OPRD1: variants seen among roughly 807,000 people sequenced by gnomAD.
The protein encoded by OPRD1 is opioid receptor delta 1, also known as delta-type opioid receptor.
Under a neutral mutation model 17.5 loss-of-function variants are expected in OPRD1, and 19 were observed. The ratio of observed to expected loss-of-function variants is 1.09; its 90% confidence interval spans 0.76 to 1.60. The LOEUF is 1.60. Among genes scored for constraint, OPRD1 ranks in the 40% most tolerant of loss-of-function variants. The pLI, the probability that OPRD1 is intolerant of heterozygous loss-of-function variation, is 0.00. For missense variants in OPRD1, 483 were observed against 547.2 expected, an observed-to-expected ratio of 0.88 and a Z score of 1.17; for synonymous variants, 256 against 240.9, an observed-to-expected ratio of 1.06 and a Z score of -0.58.
intron 1 of OPRD1, among the ~76,000 whole-genome samples, chr1:28,823,383 G>GTTTATTTTTTTA (rs143622810): frequency 7.2e-6 from 1 of 139,628 alleles, no homozygotes; most frequent in Non-Finnish European, 1.5e-5. Context: ...AATTTTATTT[G>GTTTATTTTTTTA]TTTGTTTATT....
In OPRD1 at chr1:28,812,530, A is replaced by G. The variant is rs773782491; in HGVS notation, c.147A>G (p.Ala49=). The change falls in exon 1 of 3, where the codon GCA becomes GCG. Residue 49 remains alanine (A), a synonymous_variant. Transcript: ENST00000234961. The part of the protein sequence containing the change: ...GARSASSLAL[A]IAITALYSAV... ...GGAGCGCCTCGTCCCTCGCCCTGGC[A>G]ATCGCCATCACCGCGCTCTACTCGG... 5 of 1,583,060 alleles carry G rather than the reference A, an allele frequency of 3.2e-6. No homozygotes were observed. Among genetic ancestry groups the G allele is most frequent in the Non-Finnish European group, 4.3e-6 (5 of 1,171,964 alleles).
At chr1:28,843,709 T>C (rs1198290576) in intron 1 of OPRD1, among the ~76,000 whole-genome samples, 1 of 150,826 alleles carries the variant, frequency 6.6e-6, no homozygotes, top group Non-Finnish European at 1.5e-5. Flanking sequence ...CAACCTCAAC[T>C]TCGGGGTCAA....
rs1394263354 is a variant in OPRD1 at position 28,859,294 on chromosome 1, C to T, written c.568C>T (p.Arg190Cys). The stretch of plus-strand genomic sequence containing the variant: ...GCCCATCATGGTCATGGCTGTGACC[C>T]GTCCCCGGGGTGAGTGAGTGAGTGC... ...GVPIMVMAVTRPRDGAVVCML... is the reference protein window; with the variant it reads ...GVPIMVMAVTCPRDGAVVCML... The change falls in exon 2 of 3, where the codon CGT becomes TGT. Residue 190 changes from arginine (R) to cysteine (C), a missense_variant. Transcript: ENST00000234961. 6.8e-6 allele frequency: 11 copies of T among 1,611,964 alleles called. No individual in the cohort carries two copies. The highest frequency in any genetic ancestry group is 9.3e-6 in the Non-Finnish European group (11 of 1,178,960).
chr1:28,840,378 C>T (rs1233401438), intron 1 of OPRD1, among the ~76,000 whole-genome samples: 1 of 151,980 alleles, frequency 6.6e-6, no homozygotes, highest in Non-Finnish European at 1.5e-5. Context: ...CTCAGCCTCC[C>T]GAGTAGCTGG....
At chr1:28,852,651 A>T (rs1330676857) in intron 1 of OPRD1, among the ~76,000 whole-genome samples, 1 of 152,146 alleles carries the variant, frequency 6.6e-6, no homozygotes, top group Non-Finnish European at 1.5e-5. Context: ...ATTGCACTCC[A>T]GCCTGGACGA....
At chr1:28,827,596 C>T (rs892429345) in intron 1 of OPRD1, among the ~76,000 whole-genome samples, 1 of 152,196 alleles carries the variant, frequency 6.6e-6, no homozygotes, top group Non-Finnish European at 1.5e-5. Flanking sequence ...ATCTTCAGGC[C>T]CCACTTCTAA....
At chr1:28,840,545 C>A (rs2088887361) in intron 1 of OPRD1, among the ~76,000 whole-genome samples, 1 of 152,152 alleles carries the variant, frequency 6.6e-6, no homozygotes, top group Non-Finnish European at 1.5e-5. Context: ...AGCCTATTTG[C>A]CACTCTGCAG....
At chr1:28,846,854 C>CTT (rs869108855) in intron 1 of OPRD1, among the ~76,000 whole-genome samples, 8 of 54,238 alleles carry the variant, frequency 1.5e-4, no homozygotes, top group African/African-American at 4.5e-4. Context: ...TCTTTTCTTT[C>CTT]TTTCTTTCTT....
chr1:28,862,300 T>A (rs1232408498), intron 2 of OPRD1, among the ~76,000 whole-genome samples: 1 of 152,124 alleles, frequency 6.6e-6, no homozygotes, highest in Non-Finnish European at 1.5e-5. Context: ...CCAAGAGGTT[T>A]AGTAATTTCC....
chr1:28,828,948 C>A (rs1399950961), intron 1 of OPRD1, among the ~76,000 whole-genome samples: 1 of 150,684 alleles, frequency 6.6e-6, no homozygotes, highest in Non-Finnish European at 1.5e-5. Flanking sequence ...CGAGATTGCG[C>A]CACTGCACTC....
chr1:28,858,455 C>A (rs188035001), intron 1 of OPRD1, among the ~76,000 whole-genome samples: 1 of 152,152 alleles, frequency 6.6e-6, no homozygotes, highest in East Asian at 1.9e-4. Context: ...TTATTCACAA[C>A]CAGAGAAATC....
At chr1:28,825,489 G>A (rs207460067) in intron 1 of OPRD1, among the ~76,000 whole-genome samples, 2 of 151,930 alleles carry the variant, frequency 1.3e-5, no homozygotes, top group East Asian at 3.9e-4. Context: ...GGGTTCAAGC[G>A]ATTCTCCTGC....
chr1:28,853,217 G>A (rs373526859), intron 1 of OPRD1, among the ~76,000 whole-genome samples: 12 of 152,318 alleles, frequency 7.9e-5, no homozygotes, highest in East Asian at 7.7e-4. Flanking sequence ...TTGCAGTTGG[G>A]CATGGCCACA....
At chr1:28,858,905 A>T in intron 1 of OPRD1, 49 bp from the exon 2 acceptor site, 1 of 1,544,674 alleles carries the variant, frequency 6.5e-7, no homozygotes, top group Non-Finnish European at 8.8e-7. Context: ...TTTCATGTGA[A>T]ACTGAAATCT....
rs1187638002 is a variant in OPRD1 at position 28,863,110 on chromosome 1, G to A, written c.946G>A (p.Val316Met). 1.9e-6 allele frequency: 3 copies of A among 1,610,342 alleles called. No individual in the cohort carries two copies. Among genetic ancestry groups the A allele is most frequent in the Non-Finnish European group, 1.7e-6 (2 of 1,179,220 alleles). ...LGYANSSLNP[V>M]LYAFLDENFK... ...CTACGCCAATAGCAGCCTCAACCCC[G>A]TGCTCTACGCTTTCCTCGACGAGAA... The change falls in exon 3 of 3, where the codon GTG becomes ATG. Residue 316 changes from valine to methionine, a missense_variant. Val to Met is a conservative substitution (Grantham distance 21, BLOSUM62 1). Transcript: ENST00000234961.
rs1367299673 is a variant in OPRD1 at position 28,863,401 on chromosome 1, C to G, written c.*118C>G. The G allele has an allele frequency of 8.6e-6, 10 of 1,167,550 alleles. No individual in the cohort carries two copies. The highest frequency in any genetic ancestry group is 3.7e-5 in the Admixed American group (1 of 26,844). The allele number at this position is 1,167,550 out of a possible 1,614,324, so 72.3% of individuals were successfully genotyped here. Reference sequence around the variant, plus strand: ...CAGTAGAAGGTCGGAGGCTTGGGACCGCCAGATGGGGCCTCTGTTTCGGAG... The same window carrying G: ...CAGTAGAAGGTCGGAGGCTTGGGACGGCCAGATGGGGCCTCTGTTTCGGAG... On this transcript the variant is annotated 3_prime_UTR_variant, in exon 3 of 3. Coordinates refer to ENST00000234961, the MANE Select transcript of OPRD1 (RefSeq NM_000911.4).
chr1:28,839,045 A>G (rs1328359537), intron 1 of OPRD1, among the ~76,000 whole-genome samples: 1 of 94,612 alleles, frequency 1.1e-5, no homozygotes, highest in African/African-American at 4.1e-5. Flanking sequence ...CCAGGAGCTG[A>G]GACTATGCAT....
rs1042908692 is a variant in OPRD1 at position 28,823,987 on chromosome 1, G to T, written c.227+11377G>T. On this transcript the variant is annotated intron_variant, in intron 1 of 2. Transcript: ENST00000234961. ...GAGGTCAGGAGTTTGAGACCAGCCT[G>T]GCCAACATGGTGAAACTTTTTCTCT... 2.5e-4 allele frequency among the ~76,000 whole-genome samples: 37 copies of T among 150,170 alleles called. 1 individual carries two copies. The highest frequency in any genetic ancestry group is 7.3e-4 in the African/African-American group (30 of 41,000).
At chr1:28,855,599 C>G (rs1199891380) in intron 1 of OPRD1, among the ~76,000 whole-genome samples, 1 of 152,114 alleles carries the variant, frequency 6.6e-6, no homozygotes, top group Non-Finnish European at 1.5e-5. Flanking sequence ...CCCTACCTGG[C>G]GGGCAATCAG....
Sources: gnomAD v4.1 joint callset for allele counts (sites outside exome capture counted in the v4.1 genomes callset) on GRCh38, gnomAD v4.1.1 for gene constraint, MANE v1.5 for transcripts, NCBI Gene and HGNC (gene_info 2026-07-23, HGNC 2026-07-21) for gene names.